The following RNF214 variants were observed in gnomAD, a reference collection of about 807,000 sequenced individuals.
RNF214 encodes the protein ring finger protein 214.
A neutral mutation model predicts 75.9 loss-of-function variants in RNF214; 25 were observed. The observed-to-expected ratio is 0.33, with a 90% CI of 0.24 to 0.46. The LOEUF is 0.46. Ranked by LOEUF, RNF214 falls within the 20% of genes least tolerant of loss-of-function variation. The pLI is 1.00. For missense variants in RNF214, 725 were observed against 857.5 expected, an observed-to-expected ratio of 0.85 and a Z score of 1.93; for synonymous variants, 314 against 308.8, an observed-to-expected ratio of 1.02 and a Z score of -0.18.
chr11:117,253,501 A>G (rs1377560591), intron 6 of RNF214, among the ~76,000 whole-genome samples: 1 of 152,096 alleles, frequency 6.6e-6, no homozygotes. Flanking sequence ...TTTCCCTGTT[A>G]GTGCTCTTCC....
intron 3 of RNF214, 108 bp from the exon 4 acceptor site, chr11:117,239,693 G>A: frequency 1.4e-6 from 1 of 697,536 alleles, no homozygotes; most frequent in Non-Finnish European, 2.6e-6. Flanking sequence ...GCTGGTAAGG[G>A]GAAAGAGTAA....
intron 1 of RNF214, among the ~76,000 whole-genome samples, chr11:117,233,673 T>G (rs765103815): frequency 6.6e-6 from 1 of 152,238 alleles, no homozygotes; most frequent in Non-Finnish European, 1.5e-5. Flanking sequence ...GCACCACTAG[T>G]CACTCTGAAG....
At chr11:117,251,331 G>A (rs1591824468) in intron 6 of RNF214, among the ~76,000 whole-genome samples, 1 of 119,602 alleles carries the variant, frequency 8.4e-6, no homozygotes, top group Admixed American at 8.2e-5. Context: ...GGGCGGCCGG[G>A]CAGAGGCGCC....
rs991793604 is a variant in RNF214, at chr11:117,241,652, T to A, written c.678+1792T>A. 2.0e-5 allele frequency among the ~76,000 whole-genome samples: 3 copies of A among 152,286 alleles called. No homozygotes were observed. In the South Asian group the frequency reaches 6.2e-4, roughly 32 times the overall value. On this transcript the variant is annotated intron_variant, in intron 4 of 14. Coordinates refer to ENST00000300650, the MANE Select transcript of RNF214 (RefSeq NM_207343.4). ...GGAATAAATCCAGTTCCTTTCCTGC[T>A]TGTTAGCCATGTGTATATTTGAAGT...
rs1429193007 is a variant in RNF214, at chr11:117,285,385, G to A, written c.*234G>A. ...TCTTGCAATTCCTTTGGGGGATGCA[G>A]ATTGTAGGGAAGATGATGTTTAGTT... On this transcript the variant is annotated 3_prime_UTR_variant, in exon 15 of 15. Coordinates refer to ENST00000300650, the MANE Select transcript of RNF214 (RefSeq NM_207343.4). 2.7e-5 allele frequency: 10 copies of A among 373,386 alleles called. No homozygotes were observed. The highest frequency in any genetic ancestry group is 7.7e-4 in the Middle Eastern group (1 of 1,306). The allele number at this position is 373,386 out of a possible 1,614,324, so 23.1% of individuals were successfully genotyped here.
intron 5 of RNF214, among the ~76,000 whole-genome samples, chr11:117,246,499 A>T (rs2033230156): frequency 1.3e-5 from 2 of 152,244 alleles, no homozygotes; most frequent in Admixed American, 1.3e-4. Flanking sequence ...ACAGGTGTTC[A>T]TTCAGCCTTT....
chr11:117,266,891 T>C (rs1171119209), intron 6 of RNF214, among the ~76,000 whole-genome samples: 2 of 143,496 alleles, frequency 1.4e-5, no homozygotes, highest in African/African-American at 5.2e-5. Context: ...GTCTCACTTC[T>C]TCACCCAGGC....
At position 117,285,979 on chromosome 11, in the gene RNF214, C is replaced by G. The variant is rs2034250076; in HGVS notation, c.*828C>G. On this transcript the variant is annotated 3_prime_UTR_variant, in exon 15 of 15. Coordinates refer to ENST00000300650, the MANE Select transcript of RNF214 (RefSeq NM_207343.4). Reference sequence around the variant, plus strand: ...AGGCCAACATTGTGAAGTCCTCACCCTTTCCCATTCACTTCTGGTCTCCTA... The same window carrying G: ...AGGCCAACATTGTGAAGTCCTCACCGTTTCCCATTCACTTCTGGTCTCCTA... 6.6e-6 allele frequency: 1 copy of G among 152,658 alleles called. No homozygotes were observed. The highest frequency in any genetic ancestry group is 1.5e-5 in the Non-Finnish European group (1 of 68,054). The allele number at this position is 152,658 out of a possible 1,614,324, so 9.5% of individuals were successfully genotyped here.
At chr11:117,281,554 G>C in intron 9 of RNF214, 46 bp from the exon 10 acceptor site, 1 of 1,488,906 alleles carries the variant, frequency 6.7e-7, no homozygotes, top group Non-Finnish European at 9.4e-7. Context: ...TCTTTCTAGA[G>C]AGCCTGAGTC....
chr11:117,232,895 G>C (rs908665699), intron 1 of RNF214, 169 bp downstream of exon 1: 11 of 149,030 alleles, frequency 7.4e-5, no homozygotes, highest in African/African-American at 2.7e-4. Flanking sequence ...GAAGTGGGAC[G>C]GGGGGGTGGC....
At chr11:117,249,351 A>G (rs568460260) in intron 6 of RNF214, among the ~76,000 whole-genome samples, 37 of 151,986 alleles carry the variant, frequency 2.4e-4, no homozygotes, top group Non-Finnish European at 5.0e-4. Flanking sequence ...ATTGATACTA[A>G]TAATTTTGGT....
At chr11:117,250,605 ATTTAT>A (rs1565334524) in intron 6 of RNF214, among the ~76,000 whole-genome samples, 1 of 47,896 alleles carries the variant, frequency 2.1e-5, no homozygotes, top group African/African-American at 6.7e-5. Flanking sequence ...TTATTTATTT[ATTTAT>A]TTTTTTTTTA....
Position 117,255,243 on chromosome 11 carries a change from C to T in RNF214, c.959+8295C>T, listed in dbSNP as rs566310948. On this transcript the variant is annotated intron_variant, in intron 6 of 14. Coordinates refer to ENST00000300650, the MANE Select transcript of RNF214 (RefSeq NM_207343.4). ...TGGAAACTTCCCTCAGTTTTCTAACCATCAGCAGAGGCATTCTTCCTTTCT... is the reference window on the plus strand; with the variant it reads ...TGGAAACTTCCCTCAGTTTTCTAACTATCAGCAGAGGCATTCTTCCTTTCT... Among the ~76,000 whole-genome samples the T allele has an allele frequency of 2.0e-5, 3 of 152,172 alleles. No individual in the cohort carries two copies. The East Asian group carries it at 5.8e-4, about 29-fold the overall frequency.
intron 4 of RNF214, among the ~76,000 whole-genome samples, chr11:117,243,526 ATTAT>A (rs1336615148): frequency 6.6e-6 from 1 of 152,120 alleles, no homozygotes; most frequent in Non-Finnish European, 1.5e-5. Flanking sequence ...GAAAATGGTT[ATTAT>A]TTAATGAAAA....
chr11:117,260,721 C>G (rs1428673331), intron 6 of RNF214, among the ~76,000 whole-genome samples: 1 of 147,852 alleles, frequency 6.8e-6, no homozygotes, highest in Non-Finnish European at 1.5e-5. Flanking sequence ...ATGGCGCGAT[C>G]TTGGCTCACT....
intron 6 of RNF214, among the ~76,000 whole-genome samples, chr11:117,273,482 G>A (rs898031716): frequency 5.9e-5 from 9 of 152,180 alleles, no homozygotes; most frequent in African/African-American, 2.2e-4. Flanking sequence ...GTTGTATGGG[G>A]AAGAGAAACC....
chr11:117,284,953 CA>C (rs1030699792), intron 14 of RNF214, 132 bp from the exon 15 acceptor site: 21 of 636,076 alleles, frequency 3.3e-5, no homozygotes, highest in Admixed American at 2.9e-5. Flanking sequence ...AGAACAGCAA[CA>C]AAAAAAGCCC....
At chr11:117,283,639 G>A (rs1342691028) in intron 14 of RNF214, among the ~76,000 whole-genome samples, 1 of 151,982 alleles carries the variant, frequency 6.6e-6, no homozygotes, top group African/African-American at 2.4e-5. Flanking sequence ...GAGTACAGGC[G>A]TGAGCCACCG....
chr11:117,247,928 T>G (rs563791064), intron 6 of RNF214, among the ~76,000 whole-genome samples: 3 of 152,010 alleles, frequency 2.0e-5, no homozygotes, highest in Admixed American at 2.0e-4. Context: ...ATTACATTTG[T>G]GTTATTCAGC....
Sources: gnomAD v4.1 joint callset for allele counts (sites outside exome capture counted in the v4.1 genomes callset) on GRCh38, gnomAD v4.1.1 for gene constraint, MANE v1.5 for transcripts, NCBI Gene and HGNC (gene_info 2026-07-23, HGNC 2026-07-21) for gene names.